Variants in NTRK3 observed in about 807,000 individuals in gnomAD.
NTRK3 encodes NT-3 growth factor receptor.
A neutral mutation model predicts 91.7 loss-of-function variants in NTRK3; 24 were observed. That is an observed-to-expected ratio of 0.26 (90% CI 0.19 to 0.37). The LOEUF (loss-of-function observed/expected upper bound fraction) is 0.37. Among genes scored for constraint, NTRK3 ranks in the 10% least tolerant of loss-of-function variants. NTRK3 has a pLI of 1.00. For synonymous variants in NTRK3, 483 were observed against 404.0 expected (o/e 1.20, Z -2.34); for missense variants, 880 against 1,068.9 (o/e 0.82, Z 2.46).
At chr15:87,994,685 T>C (rs569690417) in intron 14 of NTRK3, among the ~76,000 whole-genome samples, 2 of 152,294 alleles carry the variant, frequency 1.3e-5, no homozygotes, top group African/African-American at 4.8e-5. Context: ...AGGAATTGTT[T>C]CTTCCCTGAG....
At chr15:87,865,826 C>A in exon 19 of NTRK3, 1 of 228,702 alleles carries the variant, frequency 4.4e-6, no homozygotes, top group Non-Finnish European at 8.7e-6. Flanking sequence ...ATAAAGAATC[C>A]CCCTGTCTCC....
chr15:88,091,077 G>T (rs968188450), intron 13 of NTRK3, among the ~76,000 whole-genome samples: 5 of 152,234 alleles, frequency 3.3e-5, no homozygotes, highest in African/African-American at 9.6e-5. Context: ...GGGGCTAGGG[G>T]AGTGGAGCGG....
chr15:88,168,817 A>G (rs1330602959), intron 5 of NTRK3, among the ~76,000 whole-genome samples: 1 of 152,260 alleles, frequency 6.6e-6, no homozygotes, highest in Non-Finnish European at 1.5e-5. Context: ...GTATGGACTC[A>G]GTTTCGACAA....
chr15:88,158,309 C>T lies in NTRK3; in HGVS notation c.396-10906G>A, dbSNP rs543919035. Reference sequence around the variant, plus strand: ...AATACAGGAGGTCCAGGTGGTGACCCCTTGAATTCAGGCATCATTGTATTC... The same window carrying T: ...AATACAGGAGGTCCAGGTGGTGACCTCTTGAATTCAGGCATCATTGTATTC... On this transcript the variant is annotated intron_variant, in intron 5 of 18. Coordinates refer to ENST00000394480, the Ensembl canonical transcript of NTRK3. Among the ~76,000 whole-genome samples the T allele has an allele frequency of 1.3e-3, 201 of 152,264 alleles. 2 individuals are homozygous for T. Among genetic ancestry groups the T allele is most frequent in the African/African-American group, 4.7e-3 (194 of 41,564 alleles).
chr15:88,197,112 A>C (rs965493866), intron 3 of NTRK3, among the ~76,000 whole-genome samples: 4 of 129,106 alleles, frequency 3.1e-5, no homozygotes, highest in East Asian at 1.9e-4. Flanking sequence ...AAAAAAAAAA[A>C]AAAAAAAAAA....
Position 88,033,210 on chromosome 15 carries a change from A to ATATG in NTRK3, c.1397-166_1397-165insCATA, listed in dbSNP as rs1555473199. On this transcript the variant is annotated intron_variant, in intron 13 of 18. Coordinates refer to ENST00000394480, the Ensembl canonical transcript of NTRK3. The stretch of plus-strand genomic sequence containing the variant: ...TATATATATATATATATATATATAT[A>ATATG]TATATAAATTCAGTTGTTTGGGTTT... 6.5e-4 allele frequency among the ~76,000 whole-genome samples: 79 copies of ATATG among 121,304 alleles called. 6 individuals carry two copies. The highest frequency in any genetic ancestry group is 2.5e-3 in the African/African-American group (72 of 28,596). 79.6% of individuals were successfully genotyped at this position (121,304 alleles called of 152,430 possible).
intron 3 of NTRK3, among the ~76,000 whole-genome samples, chr15:88,202,212 C>T (rs56209705): frequency 0.057 from 8,718 of 152,194 alleles, 781 homozygotes; most frequent in African/African-American, 0.19. Flanking sequence ...CAATCCTAAG[C>T]GGGGAGGCAC....
intron 3 of NTRK3, among the ~76,000 whole-genome samples, chr15:88,250,301 C>G (rs16941563): frequency 0.35 from 53,379 of 152,138 alleles, 9,500 homozygotes; most frequent in East Asian, 0.44. Context: ...GACAACATGA[C>G]CACCTGGGAC....
intron 14 of NTRK3, among the ~76,000 whole-genome samples, chr15:88,003,673 A>G (rs1278194053): frequency 6.6e-6 from 1 of 152,186 alleles, no homozygotes; most frequent in Non-Finnish European, 1.5e-5. Flanking sequence ...CTGTGGAACA[A>G]AGTTTCAACC....
At chr15:87,969,386 T>C (rs1596460831) in intron 14 of NTRK3, among the ~76,000 whole-genome samples, 1 of 152,298 alleles carries the variant, frequency 6.6e-6, no homozygotes, top group East Asian at 1.9e-4. Flanking sequence ...AACTCATATA[T>C]TGAAGGACAT....
intron 14 of NTRK3, among the ~76,000 whole-genome samples, chr15:88,021,086 G>A (rs1270040430): frequency 1.3e-5 from 2 of 152,218 alleles, no homozygotes; most frequent in Admixed American, 6.5e-5. Flanking sequence ...GGTTTAGGAA[G>A]TGTTAGAAGC....
intron 3 of NTRK3, among the ~76,000 whole-genome samples, chr15:88,228,318 G>A (rs561684169): frequency 6.6e-6 from 1 of 152,178 alleles, no homozygotes; most frequent in African/African-American, 2.4e-5. Context: ...TCCATCTGGA[G>A]AGATTCCACA....
chr15:87,877,182 G>C (rs1220741976), intron 18 of NTRK3, 62 bp from the exon 20 acceptor site: 1 of 1,571,526 alleles, frequency 6.4e-7, no homozygotes, highest in Non-Finnish European at 8.7e-7. Context: ...CTGTGGCTCA[G>C]ACTCGGCAAA....
intron 3 of NTRK3, among the ~76,000 whole-genome samples, chr15:88,191,644 G>A (rs1228648630): frequency 6.6e-6 from 1 of 152,226 alleles, no homozygotes; most frequent in African/African-American, 2.4e-5. Context: ...AATGTGCCGC[G>A]CTTTTGACTC....
chr15:87,912,935 T>A (rs1259655675), intron 17 of NTRK3, among the ~76,000 whole-genome samples: 14 of 21,520 alleles, frequency 6.5e-4, no homozygotes, highest in East Asian at 6.1e-3. Context: ...AAAAAAAATA[T>A]ATATATATAT....
chr15:88,114,079 C>G (rs1176512556), intron 13 of NTRK3, among the ~76,000 whole-genome samples: 1 of 152,132 alleles, frequency 6.6e-6, no homozygotes, highest in African/African-American at 2.4e-5. Context: ...CATGAGGCAA[C>G]ATTATGGGAA....
At chr15:87,912,316 T>C (rs2067131304) in intron 17 of NTRK3, among the ~76,000 whole-genome samples, 1 of 152,230 alleles carries the variant, frequency 6.6e-6, no homozygotes, top group Non-Finnish European at 1.5e-5. Flanking sequence ...TCATGGAGAC[T>C]GTGCTGTATT....
At chr15:88,015,038 C>T (rs2077131030) in intron 14 of NTRK3, among the ~76,000 whole-genome samples, 1 of 152,214 alleles carries the variant, frequency 6.6e-6, no homozygotes, top group South Asian at 2.1e-4. Flanking sequence ...TTCTACATAA[C>T]GTTCCCTGTG....
chr15:88,156,051 A>G (rs1180360306), intron 5 of NTRK3, among the ~76,000 whole-genome samples: 1 of 152,224 alleles, frequency 6.6e-6, no homozygotes, highest in African/African-American at 2.4e-5. Context: ...AGAGAGAAGC[A>G]GTCAACAGGT....
Sources: allele counts gnomAD v4.1 joint callset (sites outside exome capture counted in the v4.1 genomes callset), GRCh38; gene constraint gnomAD v4.1.1; transcripts MANE v1.5; gene names NCBI Gene and HGNC (gene_info 2026-07-23, HGNC 2026-07-21).